HDAC7: variants seen among roughly 807,000 people sequenced by gnomAD.
HDAC7 encodes the protein histone deacetylase 7, also known as histone deacetylase 7A.
In HDAC7, 26 loss-of-function variants were observed where a neutral mutation model predicts 115.5. That is an observed-to-expected ratio of 0.23 (90% CI 0.16 to 0.31). The LOEUF (loss-of-function observed/expected upper bound fraction) is 0.31, where lower values mean the gene tolerates loss of function less well. Ranked by LOEUF, HDAC7 falls within the 10% of genes least tolerant of loss-of-function variation. The pLI is 1.00. For missense variants in HDAC7, 1,068 were observed against 1,329.0 expected (o/e 0.80, Z 3.05); for synonymous variants, 564 against 550.9 (o/e 1.02, Z -0.33).
At chr12:47,804,210 A>C (rs375785009) in intron 1 of HDAC7, among the ~76,000 whole-genome samples, 30 of 152,324 alleles carry the variant, frequency 2.0e-4, no homozygotes, top group African/African-American at 7.2e-4. Context: ...AGCTGTGTGC[A>C]TGTGTGCATG....
rs577419391 is a variant in HDAC7, at chr12:47,797,855, G to GGGGTGTGTGTGTGTGT, written c.461+252_461+253insACACACACACACACCC. ...TCATGTGCAAGAAAAAAGCCAGTAGGGTGTGTGTGTGTGTGTGTGTGTGTG... is the reference window on the plus strand; with the variant it reads ...TCATGTGCAAGAAAAAAGCCAGTAGGGGGTGTGTGTGTGTGTGTGTGTGTGTGTGTGTGTGTGTGTG... On this transcript the variant is annotated intron_variant, in intron 5 of 25. Coordinates refer to ENST00000080059, the MANE Select transcript of HDAC7 (RefSeq NM_015401.5). The surrounding 1 kb of genome is among the most constrained non-coding windows in gnomAD (Gnocchi z 5.5). Among the ~76,000 whole-genome samples the GGGGTGTGTGTGTGTGT allele has an allele frequency of 1.6e-5, 2 of 123,876 alleles. No homozygotes were observed. Among genetic ancestry groups the GGGGTGTGTGTGTGTGT allele is most frequent in the African/African-American group, 3.2e-5 (1 of 31,210 alleles). 81.3% of individuals were successfully genotyped at this position (123,876 alleles called of 152,430 possible). A position where few individuals can be genotyped will look rare whatever the true frequency, so the allele number is the denominator to read the frequency against.
In HDAC7 at chr12:47,798,110, G is replaced by A; in HGVS notation, c.459C>T (p.Tyr153=). 1.2e-6 allele frequency: 2 copies of A among 1,611,580 alleles called. No homozygotes were observed. The highest frequency in any genetic ancestry group is 1.1e-5 in the South Asian group (1 of 91,024). The change falls in exon 5 of 26, where the codon TAC becomes TAT. Residue 153 remains tyrosine, a splice_region_variant and synonymous_variant. Coordinates refer to ENST00000080059, the MANE Select transcript of HDAC7 (RefSeq NM_015401.5). The surrounding 1 kb of genome is among the most constrained non-coding windows in gnomAD (Gnocchi z 4.3). ...TVHPNSPGIP[Y]RTLEPLETEG... ...AGGGCAGGTGAGGAGGGTGTTACCT[G>A]TAGGGAATGCCGGGGCTGTTGGGAT...
At chr12:47,790,101 G>A in intron 16 of HDAC7, 181 bp from the exon 17 acceptor site, 2 of 600,250 alleles carry the variant, frequency 3.3e-6, no homozygotes, top group Non-Finnish European at 6.0e-6. Flanking sequence ...ATCCCAGCAT[G>A]ACTTTTTCCC....
intron 1 of HDAC7, chr12:47,819,294 A>C (rs1944944027): frequency 6.6e-6 from 1 of 152,430 alleles, no homozygotes; most frequent in Non-Finnish European, 1.5e-5. Flanking sequence ...CACAAAGCCC[A>C]GCCCCAACTC....
At chr12:47,816,541 C>T (rs748951576) in intron 1 of HDAC7, among the ~76,000 whole-genome samples, 2 of 152,176 alleles carry the variant, frequency 1.3e-5, no homozygotes, top group Non-Finnish European at 2.9e-5. Flanking sequence ...GGGGTACACA[C>T]ACAGATACCC....
At chr12:47,818,474 T>C (rs1185913568) in intron 1 of HDAC7, among the ~76,000 whole-genome samples, 1 of 152,158 alleles carries the variant, frequency 6.6e-6, no homozygotes, top group Non-Finnish European at 1.5e-5. Flanking sequence ...AGCGGCAGCC[T>C]AGCAGCCTAT....
At position 47,798,645 on chromosome 12, in the gene HDAC7, A is replaced by G. The variant is rs201981762; in HGVS notation, c.266T>C (p.Met89Thr). 203 of 1,613,332 alleles carry G rather than the reference A, an allele frequency of 1.3e-4. 1 individual carries two copies. Among genetic ancestry groups the G allele is most frequent in the Middle Eastern group, 5.0e-4 (3 of 6,060 alleles). ...CTGCAACTCGGGCATCGGCGTGTCC[A>G]TGGAGAGCTGTGGGCAGGGCCGGCA... ...QRSVEPMRLS[M>T]DTPMPELQVG... The change falls in exon 4 of 26, where the codon ATG becomes ACG. Residue 89 changes from methionine to threonine, a missense_variant. Met to Thr is a moderately conservative substitution (Grantham distance 81). Transcript: ENST00000080059. This position sits in a 1 kb window ranked among gnomAD's most constrained non-coding sequence, Gnocchi z 4.3.
At chr12:47,791,821 C>CCCCAA in intron 14 of HDAC7, 50 bp downstream of exon 14, 2 of 1,541,142 alleles carry the variant, frequency 1.3e-6, no homozygotes, top group Non-Finnish European at 1.8e-6. Flanking sequence ...CCTCCCCTCC[C>CCCCAA]ATGACTCCTC....
chr12:47,799,733 G>T (rs576043316), intron 2 of HDAC7, among the ~76,000 whole-genome samples: 1 of 152,210 alleles, frequency 6.6e-6, no homozygotes, highest in Admixed American at 6.5e-5. Flanking sequence ...GGAGCACCCT[G>T]CCAAGGCTGT....
At position 47,798,097 on chromosome 12, in the gene HDAC7, G is replaced by A. The variant is rs746808424; in HGVS notation, c.461+11C>T. ...ATGTGGGGACAGGAGGGCAGGTGAG[G>A]AGGGTGTTACCTGTAGGGAATGCCG... On this transcript the variant is annotated intron_variant, in intron 5 of 25. Coordinates refer to ENST00000080059, the MANE Select transcript of HDAC7 (RefSeq NM_015401.5). The surrounding 1 kb of genome is among the most constrained non-coding windows in gnomAD (Gnocchi z 4.3). 7 of 1,596,112 alleles carry A rather than the reference G, an allele frequency of 4.4e-6. No homozygotes were observed. The South Asian group carries it at 4.4e-5, about 10-fold the overall frequency.
chr12:47,808,080 G>A lies in HDAC7; in HGVS notation c.20-5806C>T, dbSNP rs530725286. Among the ~76,000 whole-genome samples, 9 of 152,344 alleles carry A rather than the reference G, an allele frequency of 5.9e-5. No individual in the cohort carries two copies. In the South Asian group the frequency reaches 1.0e-3, roughly 18 times the overall value. Reference sequence around the variant, plus strand: ...GGCCTCCATCAGTCCGAGGCAAGAGGACAGAGAAGCTCCTGCACACCAAAC... The same window carrying A: ...GGCCTCCATCAGTCCGAGGCAAGAGAACAGAGAAGCTCCTGCACACCAAAC... On this transcript the variant is annotated intron_variant, in intron 1 of 25. Transcript: ENST00000080059.
intron 8 of HDAC7, 50 bp downstream of exon 8, chr12:47,796,157 G>T (rs758528692): frequency 1.9e-6 from 3 of 1,561,160 alleles, no homozygotes; most frequent in Non-Finnish European, 2.6e-6. Context: ...CTGGAAGAAG[G>T]CTGAGCCTCA....
Position 47,789,905 on chromosome 12 carries a change from T to C in HDAC7, c.1999A>G (p.Ile667Val). 1 of 1,613,206 alleles carries C rather than the reference T, an allele frequency of 6.2e-7. No homozygotes were observed. The highest frequency in any genetic ancestry group is 8.5e-7 in the Non-Finnish European group (1 of 1,179,572). ...CGGVGVDTDT[I>V]WNELHSSNAA... ...TTGGAGGAATGAAGCTCATTCCAGA[T>C]GGTGTCAGTGTCCACCTGCGGGAGC... The change falls in exon 17 of 26, where the codon ATC (isoleucine) becomes GTC (valine). Residue 667 changes from isoleucine (I) to valine (V), a missense_variant. By Grantham distance (29) the Ile-to-Val change is conservative. Coordinates refer to ENST00000080059, the MANE Select transcript of HDAC7 (RefSeq NM_015401.5).
In HDAC7 at chr12:47,797,023, G is replaced by A. The variant is rs199943019; in HGVS notation, c.697C>T (p.Leu233Phe). The change falls in exon 7 of 26, where the codon CTC becomes TTC. Residue 233 changes from leucine to phenylalanine, a missense_variant. Physicochemically the swap from Leu to Phe is conservative, Grantham distance 22. Around this residue, in one of 6 missense-constraint regions of HDAC7, gnomAD observed 618 missense variants for 701.5 expected, o/e 0.88. Coordinates refer to ENST00000080059, the MANE Select transcript of HDAC7 (RefSeq NM_015401.5). This position sits in a 1 kb window ranked among gnomAD's most constrained non-coding sequence, Gnocchi z 5.5. ...PSLRRRPAETLGDSSPSSSST... is the reference protein window; with the variant it reads ...PSLRRRPAETFGDSSPSSSST... ...TGGCTCAGCCGGCCCTCACCTCCGAGGGTCTCTGCGGGCCGCCGCCGGAGG... is the reference window on the plus strand; with the variant it reads ...TGGCTCAGCCGGCCCTCACCTCCGAAGGTCTCTGCGGGCCGCCGCCGGAGG... 26 of 1,558,838 alleles carry A rather than the reference G, an allele frequency of 1.7e-5. No individual in the cohort carries two copies. In the East Asian group the frequency reaches 5.0e-4, roughly 30 times the overall value.
Position 47,797,291 on chromosome 12 carries a change from G to GGCCCCCCCCCCC in HDAC7, c.577+92_577+93insGGGGGGGGGGGC. The stretch of plus-strand genomic sequence containing the variant: ...AGCCTACCGATGATCTCCTGGCCCA[G>GGCCCCCCCCCCC]CCCAGCCCGCCCACCCCTGCACACT... On this transcript the variant is annotated intron_variant, in intron 6 of 25. Coordinates refer to ENST00000080059, the MANE Select transcript of HDAC7 (RefSeq NM_015401.5). The surrounding 1 kb of genome is among the most constrained non-coding windows in gnomAD (Gnocchi z 5.5). 5.2e-6 allele frequency: 7 copies of GGCCCCCCCCCCC among 1,336,078 alleles called. No individual in the cohort carries two copies. The highest frequency in any genetic ancestry group is 7.4e-6 in the Non-Finnish European group (7 of 948,870). The allele number at this position is 1,336,078 out of a possible 1,614,324, so 82.8% of individuals were successfully genotyped here. A position where few individuals can be genotyped will look rare whatever the true frequency, so the allele number is the denominator to read the frequency against.
chr12:47,811,626 T>C (rs1348229358), intron 1 of HDAC7, among the ~76,000 whole-genome samples: 1 of 152,252 alleles, frequency 6.6e-6, no homozygotes, highest in African/African-American at 2.4e-5. Flanking sequence ...CCTGTCTGAG[T>C]ATCCACAATG....
chr12:47,788,467 G>C (rs1353835475), intron 19 of HDAC7: 1 of 239,052 alleles, frequency 4.2e-6, no homozygotes, highest in African/African-American at 2.3e-5. Flanking sequence ...TAGTGGCAAG[G>C]AGAGGGAAGG....
rs766485796 is a variant in HDAC7, at chr12:47,795,191, A to G, written c.1277T>C (p.Val426Ala). 13 of 1,611,942 alleles carry G rather than the reference A, an allele frequency of 8.1e-6. No individual in the cohort carries two copies. Among genetic ancestry groups the G allele is most frequent in the Non-Finnish European group, 1.1e-5 (13 of 1,178,784 alleles). ...RLEQLKTHVQ[V>A]IKRSAKPSEK... ...CTGCCCAATTCCTCTCACCTTGATC[A>G]CCTGGACGTGAGTTTTGAGCTGCTC... is the stretch of plus-strand genomic sequence containing the variant. Residue 426 changes from valine to alanine, a missense_variant, in exon 11 of 26, where the codon GTG becomes GCG. Transcript: ENST00000080059. The surrounding 1 kb of genome is among the most constrained non-coding windows in gnomAD (Gnocchi z 4.3).
rs113885333 is a variant in HDAC7, at chr12:47,798,290, G to A, written c.350-71C>T. On this transcript the variant is annotated intron_variant, in intron 4 of 25. Transcript: ENST00000080059. This position sits in a 1 kb window ranked among gnomAD's most constrained non-coding sequence, Gnocchi z 4.3. ...GGCCTCGTGGCACTACCTGGCCACTGCCCTGTCCCCATCCTCAGTAGGAGG... is the reference window on the plus strand; with the variant it reads ...GGCCTCGTGGCACTACCTGGCCACTACCCTGTCCCCATCCTCAGTAGGAGG... 2.1e-4 allele frequency: 257 copies of A among 1,211,116 alleles called. 4 individuals are homozygous for A. The African/African-American group carries it at 3.1e-3, about 15-fold the overall frequency. 75.0% of individuals were successfully genotyped at this position (1,211,116 alleles called of 1,614,324 possible).
Sources: allele counts gnomAD v4.1 joint callset (sites outside exome capture counted in the v4.1 genomes callset), GRCh38; gene constraint gnomAD v4.1.1; regional missense constraint gnomAD v4.1.1; non-coding constraint Gnocchi (gnomAD v3.1); transcripts MANE v1.5; gene names NCBI Gene and HGNC (gene_info 2026-07-23, HGNC 2026-07-21).